Variants in PLXNC1 observed in about 807,000 individuals in gnomAD.
PLXNC1 encodes plexin-C1.
In PLXNC1, 75 loss-of-function variants were observed where a neutral mutation model predicts 178.2. The ratio of observed to expected loss-of-function variants is 0.42; its 90% CI spans 0.35 to 0.51. The LOEUF (loss-of-function observed/expected upper bound fraction) is 0.51. Ranked by LOEUF, PLXNC1 falls within the 20% of genes least tolerant of loss-of-function variation. The pLI, the probability that PLXNC1 is intolerant of heterozygous loss-of-function variation, is 0.02. For missense variants in PLXNC1, 1,503 were observed against 1,984.4 expected (o/e 0.76, Z 4.61); for synonymous variants, 790 against 779.9 (o/e 1.01, Z -0.22).
At position 94,305,472 on chromosome 12, in the gene PLXNC1, T is replaced by C. The variant is rs1309700664; in HGVS notation, c.*187T>C. The C allele has an allele frequency of 1.8e-5, 10 of 547,176 alleles. No individual in the cohort carries two copies. The highest frequency in any genetic ancestry group is 3.3e-5 in the Non-Finnish European group (10 of 306,660). The allele number at this position is 547,176 out of a possible 1,614,324, so 33.9% of individuals were successfully genotyped here. ...GCATACCAACCCTTGTGCCTGTGTG[T>C]ATACCGTGGGAACCCTTCTGTAAAT... On this transcript the variant is annotated 3_prime_UTR_variant, in exon 31 of 31. Transcript: ENST00000258526.
At chr12:94,211,684 T>TCCTC (rs1963471979) in intron 5 of PLXNC1, among the ~76,000 whole-genome samples, 1 of 152,222 alleles carries the variant, frequency 6.6e-6, no homozygotes, top group South Asian at 2.1e-4. Context: ...AGATAGTACA[T>TCCTC]CCTCATACTC....
At chr12:94,208,358 T>C (rs1034534000) in intron 4 of PLXNC1, among the ~76,000 whole-genome samples, 1 of 152,224 alleles carries the variant, frequency 6.6e-6, no homozygotes, top group Non-Finnish European at 1.5e-5. Flanking sequence ...TGACTTCCTG[T>C]TCTATTTTTG....
chr12:94,189,515 A>G (rs961165593), intron 4 of PLXNC1, among the ~76,000 whole-genome samples: 1 of 152,136 alleles, frequency 6.6e-6, no homozygotes, highest in Non-Finnish European at 1.5e-5. Context: ...CCCCATCTCT[A>G]CAAAAAATAT....
chr12:94,169,078 A>G (rs940571187), intron 1 of PLXNC1, 75 bp from the exon 2 acceptor site: 3 of 1,354,328 alleles, frequency 2.2e-6, no homozygotes, highest in South Asian at 2.6e-5. Flanking sequence ...CATGAGTGAC[A>G]TTTCATCAGT....
chr12:94,219,991 T>G, intron 5 of PLXNC1, 25 bp from the exon 6 acceptor site: 1 of 1,609,476 alleles, frequency 6.2e-7, no homozygotes, highest in Non-Finnish European at 8.5e-7. Flanking sequence ...AATCATCATT[T>G]TTTCCCCATA....
intron 9 of PLXNC1, among the ~76,000 whole-genome samples, chr12:94,228,245 CA>C (rs1174741240): frequency 6.6e-6 from 1 of 152,198 alleles, no homozygotes; most frequent in Non-Finnish European, 1.5e-5. Context: ...CAGACTTTAG[CA>C]GTCTCTGAGG....
chr12:94,251,582 G>A (rs1009260397), intron 15 of PLXNC1, 54 bp downstream of exon 15: 33 of 1,144,458 alleles, frequency 2.9e-5, no homozygotes, highest in Middle Eastern at 1.9e-4. Flanking sequence ...GCCTCTCGCC[G>A]GGCAGGCAGA....
intron 27 of PLXNC1, among the ~76,000 whole-genome samples, chr12:94,299,493 A>C (rs1447782141): frequency 6.6e-6 from 1 of 152,084 alleles, no homozygotes; most frequent in Non-Finnish European, 1.5e-5. Flanking sequence ...CTCTAGGTCT[A>C]ATCTCCCATT....
At chr12:94,229,953 G>C (rs1036852550) in intron 9 of PLXNC1, among the ~76,000 whole-genome samples, 1 of 152,174 alleles carries the variant, frequency 6.6e-6, no homozygotes, top group African/African-American at 2.4e-5. Context: ...CTTTTACCCA[G>C]TTTCCTTCAA....
intron 1 of PLXNC1, among the ~76,000 whole-genome samples, chr12:94,154,504 C>A (rs904007521): frequency 1.3e-5 from 2 of 152,150 alleles, no homozygotes; most frequent in African/African-American, 2.4e-5. Context: ...AAATGGGATT[C>A]CCCACTTATA....
At chr12:94,219,930 G>A in intron 5 of PLXNC1, 86 bp from the exon 6 acceptor site, 2 of 1,264,232 alleles carry the variant, frequency 1.6e-6, no homozygotes, top group Non-Finnish European at 1.1e-6. Context: ...CCTGTGGCAG[G>A]TCAAAGGGTG....
intron 1 of PLXNC1, among the ~76,000 whole-genome samples, chr12:94,163,331 C>G (rs1360387246): frequency 6.6e-6 from 1 of 152,084 alleles, no homozygotes; most frequent in Non-Finnish European, 1.5e-5. Flanking sequence ...ACACTCCAGC[C>G]TGGGCGACAC....
chr12:94,256,706 T>C (rs967790753), intron 17 of PLXNC1, among the ~76,000 whole-genome samples: 1 of 152,154 alleles, frequency 6.6e-6, no homozygotes, highest in Non-Finnish European at 1.5e-5. Flanking sequence ...TGTGTGGGCT[T>C]TTACAGTTAA....
intron 10 of PLXNC1, among the ~76,000 whole-genome samples, chr12:94,239,689 C>T (rs140089279): frequency 7.9e-4 from 121 of 152,332 alleles, no homozygotes; most frequent in African/African-American, 2.7e-3. Context: ...GAGAAAGCTT[C>T]GCTCTGACTC....
intron 4 of PLXNC1, among the ~76,000 whole-genome samples, chr12:94,201,160 C>T (rs1963103467): frequency 6.6e-6 from 1 of 152,144 alleles, no homozygotes; most frequent in Non-Finnish European, 1.5e-5. Flanking sequence ...GTAAAATGCT[C>T]TAATAGCTGG....
At chr12:94,294,870 A>G (rs922582551) in intron 24 of PLXNC1, among the ~76,000 whole-genome samples, 3 of 152,174 alleles carry the variant, frequency 2.0e-5, no homozygotes, top group Non-Finnish European at 4.4e-5. Flanking sequence ...TCCCCCTGGC[A>G]AACTGAGAGG....
intron 26 of PLXNC1, among the ~76,000 whole-genome samples, 182 bp downstream of exon 26, chr12:94,297,605 T>C (rs1409812032): frequency 2.0e-5 from 3 of 152,226 alleles, no homozygotes; most frequent in Non-Finnish European, 4.4e-5. Flanking sequence ...ACTACAAAGA[T>C]AACAGCACTT....
intron 4 of PLXNC1, among the ~76,000 whole-genome samples, chr12:94,207,706 C>T (rs946891760): frequency 2.0e-5 from 3 of 152,052 alleles, no homozygotes; most frequent in Admixed American, 6.5e-5. Context: ...GATTAAATAC[C>T]GAAATATGTA....
intron 23 of PLXNC1, among the ~76,000 whole-genome samples, chr12:94,287,836 GCTT>G (rs1966872099): frequency 1.3e-5 from 2 of 152,196 alleles, no homozygotes; most frequent in African/African-American, 2.4e-5. Flanking sequence ...CACGTATAAT[GCTT>G]CTTGTGTACT....
Sources: gnomAD v4.1 joint callset for allele counts (sites outside exome capture counted in the v4.1 genomes callset) on GRCh38, gnomAD v4.1.1 for gene constraint, MANE v1.5 for transcripts, NCBI Gene and HGNC (gene_info 2026-07-23, HGNC 2026-07-21) for gene names.